KIF2C: variants seen among roughly 807,000 people sequenced by gnomAD.
KIF2C encodes the protein kinesin-like protein KIF2C.
Under a neutral mutation model 97.4 loss-of-function variants are expected in KIF2C, and 34 were observed. The ratio of observed to expected loss-of-function variants is 0.35; its 90% CI spans 0.27 to 0.46. The LOEUF (loss-of-function observed/expected upper bound fraction) is 0.46, where lower values mean the gene tolerates loss of function less well. KIF2C is among the 20% of genes least tolerant of loss of function. KIF2C has a pLI of 1.00. For synonymous variants in KIF2C, 313 were observed against 318.2 expected (o/e 0.98, Z 0.17); for missense variants, 750 against 907.6 (o/e 0.83, Z 2.23).
Position 44,740,909 on chromosome 1 carries a change from A to C in KIF2C, c.71-4A>C, listed in dbSNP as rs1172474259. 1 of 1,604,378 alleles carries C rather than the reference A, an allele frequency of 6.2e-7. No homozygotes were observed. The highest frequency in any genetic ancestry group is 1.4e-5 in the African/African-American group (1 of 74,060). ...GGTAACTCTGGTTTTTTCATACTTT[A>C]TAGGTTTAATTCACAGTGCCAATGT... On this transcript the variant is annotated splice_polypyrimidine_tract_variant and splice_region_variant and intron_variant, in intron 1 of 20. Transcript: ENST00000372224.
rs1179081744 is a variant in KIF2C at position 44,766,873 on chromosome 1, C to T, written c.2019C>T (p.Asp673=). 2.5e-6 allele frequency: 4 copies of T among 1,614,258 alleles called. No homozygotes were observed. In the East Asian group the frequency reaches 6.7e-5, roughly 27 times the overall value. Residue 673 remains aspartate, a synonymous_variant, in exon 20 of 21, where the codon GAC becomes GAT. Coordinates refer to ENST00000372224, the MANE Select transcript of KIF2C (RefSeq NM_006845.4). The stretch of plus-strand genomic sequence containing the variant: ...TCTCTGAGATGACCGAGCAGCCAGA[C>T]TATGACCTGGAGACCTTTGTGAACA... ...LELSEMTEQP[D]YDLETFVNKA... is the part of the protein sequence containing the mutation.
chr1:44,762,772 A>G (rs912875653), intron 19 of KIF2C, 114 bp downstream of exon 19: 3 of 684,316 alleles, frequency 4.4e-6, no homozygotes, highest in East Asian at 2.7e-5. Context: ...CATAGCAAGA[A>G]GCAGCCCTCT....
At position 44,766,885 on chromosome 1, in the gene KIF2C, G is replaced by C; in HGVS notation, c.2031G>C (p.Glu677Asp). ...EMTEQPDYDL[E>D]TFVNKAESAL... The stretch of plus-strand genomic sequence containing the variant: ...CCGAGCAGCCAGACTATGACCTGGA[G>C]ACCTTTGTGAACAAAGCGGAATCTG... Residue 677 changes from glutamate (E) to aspartate (D), a missense_variant, in exon 20 of 21, where the codon GAG (glutamate) becomes GAC (aspartate). By Grantham distance (45) the Glu-to-Asp change is conservative (BLOSUM62 2). Coordinates refer to ENST00000372224, the MANE Select transcript of KIF2C (RefSeq NM_006845.4). 1 of 1,614,232 alleles carries C rather than the reference G, an allele frequency of 6.2e-7. No homozygotes were observed. Among genetic ancestry groups the C allele is most frequent in the Non-Finnish European group, 8.5e-7 (1 of 1,180,044 alleles).
chr1:44,766,875 A>C lies in KIF2C; in HGVS notation c.2021A>C (p.Tyr674Ser). ...ELSEMTEQPD[Y>S]DLETFVNKAE... ...TCTGAGATGACCGAGCAGCCAGACTATGACCTGGAGACCTTTGTGAACAAA... is the reference window on the plus strand; with the variant it reads ...TCTGAGATGACCGAGCAGCCAGACTCTGACCTGGAGACCTTTGTGAACAAA... Residue 674 changes from tyrosine to serine, a missense_variant, in exon 20 of 21, where the codon TAT becomes TCT. Physicochemically the swap from Tyr to Ser is moderately radical, Grantham distance 144. Transcript: ENST00000372224. 2 of 1,614,226 alleles carry C rather than the reference A, an allele frequency of 1.2e-6. No homozygotes were observed. The highest frequency in any genetic ancestry group is 2.7e-5 in the African/African-American group (2 of 75,062).
At chr1:44,740,057 A>G (rs1247575896) in intron 1 of KIF2C, 55 bp downstream of exon 1, 1 of 1,596,000 alleles carries the variant, frequency 6.3e-7, no homozygotes, top group Non-Finnish European at 8.6e-7. Context: ...GACGACTGAA[A>G]TTACTGCCCG....
intron 2 of KIF2C, among the ~76,000 whole-genome samples, chr1:44,742,057 G>A (rs1251260813): frequency 6.8e-6 from 1 of 146,546 alleles, no homozygotes; most frequent in Non-Finnish European, 1.5e-5. Context: ...ATTTTATTTA[G>A]TCAGGTCCAT....
chr1:44,757,161 C>T (rs1465028797), intron 10 of KIF2C, among the ~76,000 whole-genome samples: 1 of 152,158 alleles, frequency 6.6e-6, no homozygotes, highest in Non-Finnish European at 1.5e-5. Flanking sequence ...AGGTGATCCA[C>T]ACACTTCGGC....
rs745674658 is a variant in KIF2C, at chr1:44,756,202, A to T, written c.942A>T (p.Ala314=). The change falls in exon 10 of 21, where the codon GCA becomes GCT. Residue 314 remains alanine, a synonymous_variant. Transcript: ENST00000372224. Reference sequence around the variant, plus strand: ...ACCAAGCATTCTGCTTTGACTTTGCATTTGATGAAACAGCTTCGAATGAAG... The same window carrying T: ...ACCAAGCATTCTGCTTTGACTTTGCTTTTGATGAAACAGCTTCGAATGAAG... ...LENQAFCFDF[A]FDETASNEVV... is the part of the protein sequence containing the mutation. 1.9e-6 allele frequency: 3 copies of T among 1,614,248 alleles called. No homozygotes were observed. The East Asian group carries it at 6.7e-5, about 36-fold the overall frequency.
In KIF2C at chr1:44,767,300, C is replaced by G. The variant is rs1650523375; in HGVS notation, c.*121C>G. 10 of 801,440 alleles carry G rather than the reference C, an allele frequency of 1.2e-5. No homozygotes were observed. Among genetic ancestry groups the G allele is most frequent in the Non-Finnish European group, 1.8e-5 (9 of 487,902 alleles). The allele number at this position is 801,440 out of a possible 1,614,324, so 49.6% of individuals were successfully genotyped here. ...GAGCTGGGACAGGTTCTGGTAAATG[C>G]CAAGTATGGGGGCATCTGGGCCCAG... On this transcript the variant is annotated 3_prime_UTR_variant, in exon 21 of 21. Transcript: ENST00000372224.
chr1:44,752,856 T>G (rs899747303), intron 5 of KIF2C, among the ~76,000 whole-genome samples: 1 of 152,214 alleles, frequency 6.6e-6, no homozygotes, highest in Non-Finnish European at 1.5e-5. Context: ...GGGTGAAGTC[T>G]AAAGAGTTCA....
chr1:44,760,282 C>T lies in KIF2C; in HGVS notation c.1370C>T (p.Thr457Ile). ...CTCATAACCTTTCTTTACCACAGAA[C>T]CTCTGGGCAGACATTTGCCAACTCC... Reference protein sequence around the residue: ...KMIDMGSACRTSGQTFANSNS... With the variant: ...KMIDMGSACRISGQTFANSNS... Residue 457 changes from threonine to isoleucine, a missense_variant and splice_region_variant, in exon 15 of 21, where the codon ACC becomes ATC. Coordinates refer to ENST00000372224, the MANE Select transcript of KIF2C (RefSeq NM_006845.4). This position sits in a 1 kb window ranked among gnomAD's most constrained non-coding sequence, Gnocchi z 4.2. 1 of 1,613,898 alleles carries T rather than the reference C, an allele frequency of 6.2e-7. No homozygotes were observed. Among genetic ancestry groups the T allele is most frequent in the Admixed American group, 1.7e-5 (1 of 60,022 alleles).
chr1:44,764,299 C>T (rs1650330054), intron 19 of KIF2C, among the ~76,000 whole-genome samples: 1 of 147,118 alleles, frequency 6.8e-6, no homozygotes, highest in Admixed American at 6.9e-5. Context: ...CCTCAGCCTC[C>T]TGCGTACCTG....
intron 19 of KIF2C, among the ~76,000 whole-genome samples, 169 bp from the exon 20 acceptor site, chr1:44,766,657 G>C (rs1650484487): frequency 6.6e-6 from 1 of 152,142 alleles, no homozygotes; most frequent in Non-Finnish European, 1.5e-5. Flanking sequence ...GGTAGGAAGA[G>C]GGTGAATTCA....
intron 5 of KIF2C, among the ~76,000 whole-genome samples, chr1:44,751,633 C>T (rs1649521530): frequency 6.7e-6 from 1 of 150,206 alleles, no homozygotes. Context: ...CTCAGCCTCC[C>T]GAGTAGGTGA....
chr1:44,746,051 T>C (rs547509242), intron 2 of KIF2C, among the ~76,000 whole-genome samples: 9 of 152,024 alleles, frequency 5.9e-5, no homozygotes, highest in Admixed American at 5.3e-4. Flanking sequence ...CAACTTTTTG[T>C]ATTTTAGTAG....
intron 4 of KIF2C, among the ~76,000 whole-genome samples, chr1:44,749,879 C>T (rs942601294): frequency 6.6e-6 from 1 of 151,644 alleles, no homozygotes; most frequent in African/African-American, 2.4e-5. Flanking sequence ...GAGATTGAGA[C>T]CATGCTGGCC....
intron 17 of KIF2C, 24 bp from the exon 18 acceptor site, chr1:44,762,322 T>C: frequency 6.3e-7 from 1 of 1,589,684 alleles, no homozygotes; most frequent in Admixed American, 1.7e-5. Context: ...TGCTGTGGGA[T>C]CTGAGACCTC....
At chr1:44,743,375 GGTT>G (rs1197920089) in intron 2 of KIF2C, among the ~76,000 whole-genome samples, 4 of 152,144 alleles carry the variant, frequency 2.6e-5, no homozygotes, top group Non-Finnish European at 4.4e-5. Flanking sequence ...TACCTCACAG[GGTT>G]GTTGTGAGGA....
chr1:44,747,406 CAAT>C lies in KIF2C; in HGVS notation c.191_193del (p.Ile64del). On this transcript the variant is annotated inframe_deletion, in exon 3 of 21. Coordinates refer to ENST00000372224, the MANE Select transcript of KIF2C (RefSeq NM_006845.4). ...CAGATTGATTTTGATGATGTGGCTG[CAAT>C]AAACCCAGAACTCTTACAGCTTCTT... 1 of 1,611,444 alleles carries C rather than the reference CAAT, an allele frequency of 6.2e-7. No homozygotes were observed. Among genetic ancestry groups the C allele is most frequent in the Non-Finnish European group, 8.5e-7 (1 of 1,179,244 alleles).
Sources: allele counts gnomAD v4.1 joint callset (sites outside exome capture counted in the v4.1 genomes callset), GRCh38; gene constraint gnomAD v4.1.1; non-coding constraint Gnocchi (gnomAD v3.1); transcripts MANE v1.5; gene names NCBI Gene and HGNC (gene_info 2026-07-23, HGNC 2026-07-21).